CDH13: variants seen among roughly 807,000 people sequenced by gnomAD.
The protein encoded by CDH13 is cadherin 13, also known as cadherin-13.
Under a neutral mutation model 63.8 loss-of-function variants are expected in CDH13, and 24 were observed. That is an observed-to-expected ratio of 0.38 (90% CI 0.27 to 0.53). The LOEUF is 0.53. CDH13 is among the 20% of genes least tolerant of loss of function. CDH13 has a pLI of 0.85. For synonymous variants in CDH13, 503 were observed against 355.3 expected, an observed-to-expected ratio of 1.42 and a Z score of -4.67; for missense variants, 1,049 against 903.1, an observed-to-expected ratio of 1.16 and a Z score of -2.07.
intron 7 of CDH13, among the ~76,000 whole-genome samples, chr16:83,490,060 A>G (rs1348969762): frequency 5.3e-5 from 8 of 149,954 alleles, no homozygotes; most frequent in African/African-American, 2.0e-4. Context: ...GCTCACCAGC[A>G]CCTCTGGCTC....
intron 2 of CDH13, among the ~76,000 whole-genome samples, chr16:82,890,059 G>A (rs1034332586): frequency 6.6e-5 from 10 of 152,314 alleles, no homozygotes; most frequent in Middle Eastern, 6.8e-3. Context: ...GCTTCAAAAC[G>A]CAGAGCACTA....
At chr16:82,898,568 T>C (rs766901541) in intron 2 of CDH13, among the ~76,000 whole-genome samples, 6 of 152,224 alleles carry the variant, frequency 3.9e-5, no homozygotes, top group Non-Finnish European at 5.9e-5. Context: ...TCTTGAATTA[T>C]AGCACTGGTC....
intron 8 of CDH13, among the ~76,000 whole-genome samples, chr16:83,659,229 C>T (rs1045423761): frequency 3.4e-5 from 5 of 148,228 alleles, no homozygotes; most frequent in Non-Finnish European, 3.0e-5. Flanking sequence ...TCCTCACCAG[C>T]AAGGTCCCAT....
At chr16:82,712,605 G>T (rs1253246582) in intron 1 of CDH13, among the ~76,000 whole-genome samples, 2 of 152,146 alleles carry the variant, frequency 1.3e-5, no homozygotes, top group African/African-American at 2.4e-5. Flanking sequence ...TCTACAAAAT[G>T]CAGCAGTAAA....
intron 1 of CDH13, among the ~76,000 whole-genome samples, chr16:82,739,633 G>C (rs993572347): frequency 1.3e-5 from 2 of 152,130 alleles, no homozygotes; most frequent in African/African-American, 4.8e-5. Context: ...ACGGGAATTT[G>C]CCTTTAATTA....
intron 6 of CDH13, among the ~76,000 whole-genome samples, chr16:83,445,811 C>G (rs902016): frequency 0.19 from 28,940 of 152,018 alleles, 2,846 homozygotes; most frequent in Admixed American, 0.26. Context: ...GGAAATATAA[C>G]TCGGAGTTCC....
intron 2 of CDH13, among the ~76,000 whole-genome samples, chr16:82,949,037 C>T (rs531998965): frequency 6.6e-6 from 1 of 152,220 alleles, no homozygotes; most frequent in East Asian, 1.9e-4. Context: ...TGGCAAATTA[C>T]CCTGTGTAAA....
At chr16:83,084,778 C>T (rs2033476167) in intron 3 of CDH13, among the ~76,000 whole-genome samples, 1 of 152,140 alleles carries the variant, frequency 6.6e-6, no homozygotes. Context: ...ATCCCAGCTA[C>T]TCAGGAGGCT....
chr16:83,504,255 G>T (rs1302951036), intron 7 of CDH13, among the ~76,000 whole-genome samples: 1 of 152,310 alleles, frequency 6.6e-6, no homozygotes, highest in South Asian at 2.1e-4. Flanking sequence ...CAGGGCACTA[G>T]AGAAGAGTGT....
At chr16:83,368,295 A>G (rs1329015059) in intron 6 of CDH13, among the ~76,000 whole-genome samples, 1 of 152,230 alleles carries the variant, frequency 6.6e-6, no homozygotes, top group South Asian at 2.1e-4. Context: ...AATATTAAAC[A>G]GATACATACT....
intron 6 of CDH13, among the ~76,000 whole-genome samples, chr16:83,473,298 G>A (rs1313657275): frequency 6.6e-6 from 1 of 152,208 alleles, no homozygotes; most frequent in Non-Finnish European, 1.5e-5. Flanking sequence ...TACCCAATAT[G>A]TATTTACTTA....
intron 8 of CDH13, among the ~76,000 whole-genome samples, chr16:83,662,329 T>C (rs1173502036): frequency 6.6e-6 from 1 of 152,204 alleles, no homozygotes; most frequent in East Asian, 1.9e-4. Context: ...TACTCTCTCT[T>C]TGCATGATGG....
At position 83,602,519 on chromosome 16, in the gene CDH13, A is replaced by G; in HGVS notation, c.1026A>G (p.Gly342=). Residue 342 remains glycine, a synonymous_variant, in exon 8 of 14, where the codon GGA becomes GGG. Transcript: ENST00000567109. ...EAQDMAGLDV[G]LTGTATATIM... ...AAGATATGGCTGGACTGGATGTTGG[A>G]TTAACAGGCACGGCCACAGCCACGA... 1.9e-6 allele frequency: 3 copies of G among 1,613,968 alleles called. 1 individual carries two copies. Among genetic ancestry groups the G allele is most frequent in the Middle Eastern group, 3.3e-4 (2 of 6,062 alleles).
At chr16:82,909,402 T>C (rs1206410076) in intron 2 of CDH13, among the ~76,000 whole-genome samples, 1 of 152,172 alleles carries the variant, frequency 6.6e-6, no homozygotes, top group Non-Finnish European at 1.5e-5. Flanking sequence ...TATGAATTTT[T>C]CTGAAATTTG....
intron 1 of CDH13, among the ~76,000 whole-genome samples, chr16:82,852,616 A>C (rs1469192655): frequency 6.6e-6 from 1 of 152,184 alleles, no homozygotes; most frequent in Non-Finnish European, 1.5e-5. Flanking sequence ...GTAGCCAGAG[A>C]CTAATCTCAA....
At chr16:83,359,149 C>T (rs2091111733) in intron 6 of CDH13, among the ~76,000 whole-genome samples, 1 of 152,074 alleles carries the variant, frequency 6.6e-6, no homozygotes, top group South Asian at 2.1e-4. Flanking sequence ...TCAGGGAGAT[C>T]AATGTATTCT....
In CDH13 at chr16:82,895,892, A is replaced by G. The variant is rs1468280921; in HGVS notation, c.157+37419A>G. Among the ~76,000 whole-genome samples the G allele has an allele frequency of 2.6e-5, 4 of 152,306 alleles. No individual in the cohort carries two copies. In the East Asian group the frequency reaches 5.8e-4, roughly 22 times the overall value. ...CATGGGAGAGCCTTGAAGGGGTACAAGATCAGCCTCCCCTCTGCTCTTTGA... is the reference window on the plus strand; with the variant it reads ...CATGGGAGAGCCTTGAAGGGGTACAGGATCAGCCTCCCCTCTGCTCTTTGA... On this transcript the variant is annotated intron_variant, in intron 2 of 13. Transcript: ENST00000567109.
At chr16:83,131,928 G>A (rs552811960) in intron 4 of CDH13, among the ~76,000 whole-genome samples, 40 of 152,114 alleles carry the variant, frequency 2.6e-4, no homozygotes, top group Non-Finnish European at 4.6e-4. Flanking sequence ...CCAGGACTCC[G>A]CTTTGATTGT....
At chr16:83,316,623 G>C (rs1365672868) in intron 5 of CDH13, among the ~76,000 whole-genome samples, 5 of 152,164 alleles carry the variant, frequency 3.3e-5, no homozygotes, top group Non-Finnish European at 7.4e-5. Flanking sequence ...TGCTGCAGGA[G>C]AGAGGTGAGA....
Sources: gnomAD v4.1 joint callset for allele counts (sites outside exome capture counted in the v4.1 genomes callset) on GRCh38, gnomAD v4.1.1 for gene constraint, MANE v1.5 for transcripts, NCBI Gene and HGNC (gene_info 2026-07-23, HGNC 2026-07-21) for gene names.